INPP4A: variants seen among roughly 807,000 people sequenced by gnomAD.
INPP4A encodes the protein inositol polyphosphate-4-phosphatase, type I, 107kD.
Under a neutral mutation model 119.8 loss-of-function variants are expected in INPP4A, and 33 were observed. That is an observed-to-expected ratio of 0.28 (90% CI 0.21 to 0.37). The LOEUF (loss-of-function observed/expected upper bound fraction) is 0.37, where lower values mean the gene tolerates loss of function less well. Among genes scored for constraint, INPP4A ranks in the 10% least tolerant of loss-of-function variants. The pLI, the probability that INPP4A is intolerant of heterozygous loss-of-function variation, is 1.00. For synonymous variants in INPP4A, 496 were observed against 500.7 expected (o/e 0.99, Z 0.12); for missense variants, 956 against 1,289.9 (o/e 0.74, Z 3.97).
At chr2:98,580,975 C>T (rs1699212409) in intron 24 of INPP4A, among the ~76,000 whole-genome samples, 1 of 152,234 alleles carries the variant, frequency 6.6e-6, no homozygotes, top group Non-Finnish European at 1.5e-5. Context: ...ACAGCAGTCG[C>T]TCATGCCTGC....
At chr2:98,565,272 G>T (rs1696222461) in intron 19 of INPP4A, among the ~76,000 whole-genome samples, 1 of 152,228 alleles carries the variant, frequency 6.6e-6, no homozygotes, top group African/African-American at 2.4e-5. Flanking sequence ...CCTGTGTAAT[G>T]GGAGGGTCTG....
chr2:98,453,316 A>G (rs567038594), intron 1 of INPP4A, among the ~76,000 whole-genome samples: 2 of 152,368 alleles, frequency 1.3e-5, no homozygotes, highest in Admixed American at 1.3e-4. Flanking sequence ...AAGGGTCCAC[A>G]CAGCATGTTT....
intron 1 of INPP4A, among the ~76,000 whole-genome samples, chr2:98,509,676 T>G (rs1684764743): frequency 6.6e-6 from 1 of 152,210 alleles, no homozygotes; most frequent in South Asian, 2.1e-4. Flanking sequence ...AGGCTGCTCC[T>G]GGCACCTCCC....
At chr2:98,452,356 C>A (rs931031900) in intron 1 of INPP4A, among the ~76,000 whole-genome samples, 3 of 152,158 alleles carry the variant, frequency 2.0e-5, no homozygotes, top group Non-Finnish European at 4.4e-5. Flanking sequence ...TGGATCCTAC[C>A]CCACCCACTG....
At chr2:98,577,756 C>T (rs1360136524) in intron 24 of INPP4A, among the ~76,000 whole-genome samples, 1 of 152,172 alleles carries the variant, frequency 6.6e-6, no homozygotes, top group African/African-American at 2.4e-5. Flanking sequence ...GAATGAAACC[C>T]GGAACTAAAA....
chr2:98,562,855 G>A (rs573320184), intron 17 of INPP4A, among the ~76,000 whole-genome samples: 1 of 151,766 alleles, frequency 6.6e-6, no homozygotes, highest in South Asian at 2.1e-4. Context: ...GGGAAGGAAG[G>A]TGGGGGTGGG....
rs151114761 is a variant in INPP4A at position 98,455,340 on chromosome 2, C to T, written c.-166+10255C>T. Among the ~76,000 whole-genome samples the T allele has an allele frequency of 6.7e-3, 1,003 of 148,702 alleles. 17 individuals are homozygous for T. The highest frequency in any genetic ancestry group is 0.023 in the African/African-American group (939 of 40,374). ...GTGACAGAGTGAGACCCTGTCTCTA[C>T]AAAAAAAGAAAAAAAAAAGATACCC... On this transcript the variant is annotated intron_variant, in intron 1 of 24. Coordinates refer to ENST00000409851, the MANE Select transcript of INPP4A (RefSeq NM_001134225.2).
intron 10 of INPP4A, among the ~76,000 whole-genome samples, chr2:98,540,968 T>A (rs1691313575): frequency 1.3e-5 from 2 of 152,350 alleles, no homozygotes; most frequent in East Asian, 1.9e-4. Flanking sequence ...GCAGCCAGAA[T>A]CCTGCTGTTT....
At chr2:98,468,069 T>TATATC (rs1675164525) in intron 1 of INPP4A, among the ~76,000 whole-genome samples, 1 of 151,990 alleles carries the variant, frequency 6.6e-6, no homozygotes, top group Non-Finnish European at 1.5e-5. Context: ...TTATGAATGA[T>TATATC]AGTGCTTAGC....
At chr2:98,478,372 A>C (rs1232672158) in intron 1 of INPP4A, among the ~76,000 whole-genome samples, 1 of 152,112 alleles carries the variant, frequency 6.6e-6, no homozygotes, top group African/African-American at 2.4e-5. Context: ...GGGAGCTTTT[A>C]CAAGGCTCTG....
In INPP4A at chr2:98,520,169, G is replaced by T; in HGVS notation, c.106+15G>T. 6.5e-7 allele frequency: 1 copy of T among 1,545,202 alleles called. No homozygotes were observed. The highest frequency in any genetic ancestry group is 1.2e-5 in the South Asian group (1 of 83,986). On this transcript the variant is annotated intron_variant, in intron 3 of 24. Coordinates refer to ENST00000409851, the MANE Select transcript of INPP4A (RefSeq NM_001134225.2). ...CTCTCTGGCAGGTGAGCCTCACAGGGCCTGCACCGGGCTCCAGGTATGAGC... is the reference window on the plus strand; with the variant it reads ...CTCTCTGGCAGGTGAGCCTCACAGGTCCTGCACCGGGCTCCAGGTATGAGC...
At chr2:98,503,738 C>A (rs1172362701) in intron 1 of INPP4A, among the ~76,000 whole-genome samples, 1 of 152,346 alleles carries the variant, frequency 6.6e-6, no homozygotes, top group East Asian at 1.9e-4. Context: ...CATCAGAAGG[C>A]ATTTCAGGTC....
chr2:98,451,470 G>A (rs1409033562), intron 1 of INPP4A, among the ~76,000 whole-genome samples: 3 of 152,072 alleles, frequency 2.0e-5, no homozygotes, highest in Non-Finnish European at 4.4e-5. Context: ...GTGTTTACCC[G>A]CTGCCAGCTC....
At chr2:98,528,851 G>A (rs1048269817) in intron 4 of INPP4A, among the ~76,000 whole-genome samples, 4 of 152,146 alleles carry the variant, frequency 2.6e-5, no homozygotes, top group African/African-American at 9.7e-5. Context: ...GCCGAGGCAG[G>A]CAGATCACAA....
At chr2:98,568,764 G>A in intron 22 of INPP4A, 96 bp downstream of exon 22, 1 of 715,340 alleles carries the variant, frequency 1.4e-6, no homozygotes, top group South Asian at 1.5e-5. Context: ...GTGAGTGCAT[G>A]CCTGTGCATG....
Position 98,543,902 on chromosome 2 carries a change from G to T in INPP4A, c.844G>T (p.Glu282Ter). The change falls in exon 11 of 25, where the codon GAG becomes TAG. Residue 282 changes from glutamate to a stop codon, truncating the protein, a stop_gained. Transcript: ENST00000409851. LOFTEE classifies it high-confidence loss of function. ...ARVCELEELG[E>*]LSPCWESLRR... ...AGTGTGTGAGCTGGAGGAGCTGGGA[G>T]AGCTGTCCCCTTGCTGGGAGAGCCT... 6.2e-7 allele frequency: 1 copy of T among 1,613,328 alleles called. No individual in the cohort carries two copies. Among genetic ancestry groups the T allele is most frequent in the Non-Finnish European group, 8.5e-7 (1 of 1,179,612 alleles).
At chr2:98,578,631 A>G (rs765881693) in intron 24 of INPP4A, among the ~76,000 whole-genome samples, 2 of 152,232 alleles carry the variant, frequency 1.3e-5, no homozygotes, top group African/African-American at 2.4e-5. Context: ...CAAGGGCCCC[A>G]TCCGCCTGCC....
rs1696577819 is a variant in INPP4A at position 98,566,978 on chromosome 2, G to A, written c.2420+809G>A. On this transcript the variant is annotated intron_variant, in intron 21 of 24. Coordinates refer to ENST00000409851, the MANE Select transcript of INPP4A (RefSeq NM_001134225.2). The surrounding 1 kb of genome is among the most constrained non-coding windows in gnomAD (Gnocchi z 4.2). ...CCGTGTTCCTGCTGGGCCTTCTGAT[G>A]TCCAACCCCAGTGGTTGATGTCCAT... Among the ~76,000 whole-genome samples, 2 of 152,194 alleles carry A rather than the reference G, an allele frequency of 1.3e-5. No homozygotes were observed. Among genetic ancestry groups the A allele is most frequent in the African/African-American group, 4.8e-5 (2 of 41,444 alleles).
chr2:98,497,075 T>G (rs1232153715), intron 1 of INPP4A, among the ~76,000 whole-genome samples: 2 of 152,190 alleles, frequency 1.3e-5, no homozygotes, highest in Admixed American at 1.3e-4. Context: ...GATATGGACT[T>G]GGTGCCCTGT....
Sources: allele counts gnomAD v4.1 joint callset (sites outside exome capture counted in the v4.1 genomes callset), GRCh38; gene constraint gnomAD v4.1.1; non-coding constraint Gnocchi (gnomAD v3.1); transcripts MANE v1.5; gene names NCBI Gene and HGNC (gene_info 2026-07-23, HGNC 2026-07-21).